HUWE1: variants seen among roughly 807,000 people sequenced by gnomAD.
HUWE1 encodes the protein E3 ubiquitin-protein ligase HUWE1.
HUWE1 carries 18 observed loss-of-function variants against 299.4 expected under a neutral mutation model. The ratio of observed to expected loss-of-function variants is 0.06; its 90% CI spans 0.04 to 0.09. HUWE1 has a LOEUF of 0.09. Ranked by LOEUF, HUWE1 falls within the 10% of genes least tolerant of loss-of-function variation. HUWE1 has a pLI of 1.00. For synonymous variants in HUWE1, 1,317 were observed against 1,286.1 expected (o/e 1.02, Z -0.51); for missense variants, 1,832 against 3,462.3 (o/e 0.53, Z 11.82).
At chrX:53,569,852 T>C (rs782396675) in intron 47 of HUWE1, 25 bp from the exon 48 acceptor site, 1 of 1,147,986 alleles carries the variant, frequency 8.7e-7, no homozygotes, top group Non-Finnish European at 1.2e-6. Flanking sequence ...ATCACGACAT[T>C]TACTTACAAG....
At chrX:53,652,595 TAC>T (rs2068541124) in intron 4 of HUWE1, among the ~76,000 whole-genome samples, 1 of 112,077 alleles carries the variant, frequency 8.9e-6, no homozygotes, top group Non-Finnish European at 1.9e-5. Context: ...GACATTCAAG[TAC>T]ACAGTTGTCA....
At chrX:53,685,746 G>A (rs782552570) in intron 2 of HUWE1, among the ~76,000 whole-genome samples, 1 of 111,864 alleles carries the variant, frequency 8.9e-6, no homozygotes, top group East Asian at 2.8e-4. Context: ...CTTTTGGGAA[G>A]GCAATTTGGA....
At chrX:53,598,784 A>C (rs1481221687) in intron 29 of HUWE1, among the ~76,000 whole-genome samples, 2 of 111,596 alleles carry the variant, frequency 1.8e-5, no homozygotes, top group African/African-American at 6.5e-5. Flanking sequence ...CTCAAGGGTT[A>C]AATCTATGTC....
At position 53,578,535 on chromosome X, in the gene HUWE1, G is replaced by C. The variant is rs782274455; in HGVS notation, c.5717-1468C>G. Among the ~76,000 whole-genome samples, 12 of 101,561 alleles carry C rather than the reference G, an allele frequency of 1.2e-4. No individual in the cohort carries two copies. The East Asian group carries it at 1.7e-3, about 14-fold the overall frequency. 88.2% of individuals were successfully genotyped at this position (101,561 alleles called of 115,157 possible). A position where few individuals can be genotyped will look rare whatever the true frequency, so the allele number is the denominator to read the frequency against. On this transcript the variant is annotated intron_variant, in intron 43 of 83. Coordinates refer to ENST00000262854, the MANE Select transcript of HUWE1 (RefSeq NM_031407.7). ...CCGCCCAGTCCGGGAGGGAGGTGGG[G>C]GGTCAGCCCCCCGCCCGGCCAGCCG...
At chrX:53,591,699 T>C (rs2064171113) in intron 33 of HUWE1, among the ~76,000 whole-genome samples, 1 of 112,390 alleles carries the variant, frequency 8.9e-6, no homozygotes, top group Non-Finnish European at 1.9e-5. Flanking sequence ...ACGTAAAAAT[T>C]AGGCACAAGA....
At chrX:53,616,151 T>A (rs782569633) in intron 21 of HUWE1, among the ~76,000 whole-genome samples, 1 of 110,349 alleles carries the variant, frequency 9.1e-6, no homozygotes, top group East Asian at 2.8e-4. Context: ...GCTCAAGTGA[T>A]CTGCCCACCT....
intron 19 of HUWE1, among the ~76,000 whole-genome samples, chrX:53,619,590 G>GAAAAAAAAAAAAAAAAAA (rs35685121): frequency 1.2e-4 from 5 of 41,103 alleles, no homozygotes; most frequent in African/African-American, 2.4e-4. Flanking sequence ...AGAAATAGAA[G>GAAAAAAAAAAAAAAAAAA]AAAAAAAAAA....
intron 77 of HUWE1, 54 bp from the exon 78 acceptor site, chrX:53,537,750 G>A (rs2061128749): frequency 2.6e-6 from 3 of 1,134,895 alleles, no homozygotes; most frequent in Non-Finnish European, 3.6e-6. Flanking sequence ...GAACAAATTT[G>A]TTTGTGTGAT....
At chrX:53,664,227 T>A (rs1345196053) in intron 3 of HUWE1, among the ~76,000 whole-genome samples, 1 of 111,103 alleles carries the variant, frequency 9.0e-6, no homozygotes, top group Non-Finnish European at 1.9e-5. Context: ...ATTTTTATAT[T>A]TCTTGTACAG....
chrX:53,574,026 T>TGGCAAAATC, intron 46 of HUWE1, 62 bp from the exon 47 acceptor site: 2 of 1,001,731 alleles, frequency 2.0e-6, no homozygotes, highest in Admixed American at 4.4e-5. Flanking sequence ...AATCAAGTCT[T>TGGCAAAATC]AGGTGGAAAA....
chrX:53,596,166 C>A (rs2064453265), intron 29 of HUWE1, among the ~76,000 whole-genome samples: 2 of 111,577 alleles, frequency 1.8e-5, no homozygotes, highest in Admixed American at 1.9e-4. Flanking sequence ...GATCCAGAGA[C>A]AAGAAGGGCT....
intron 21 of HUWE1, 96 bp downstream of exon 21, chrX:53,616,874 C>A (rs782101378): frequency 4.2e-6 from 3 of 718,186 alleles, no homozygotes; most frequent in African/African-American, 4.3e-5. Context: ...AAACTTAGCA[C>A]ACCTAACCAG....
chrX:53,578,462 C>T (rs1330639300), intron 43 of HUWE1, among the ~76,000 whole-genome samples: 13 of 93,550 alleles, frequency 1.4e-4, no homozygotes, highest in African/African-American at 4.9e-4. Context: ...CCCGGCCAGT[C>T]GCCCCGTCCA....
intron 52 of HUWE1, 86 bp from the exon 53 acceptor site, chrX:53,563,015 T>C: frequency 1.3e-6 from 1 of 774,053 alleles, no homozygotes; most frequent in East Asian, 3.2e-5. Context: ...TATGTACACC[T>C]AGCAGATATC....
At chrX:53,628,707 G>T (rs782719106) in intron 14 of HUWE1, 45 bp downstream of exon 14, 30 of 1,205,871 alleles carry the variant, frequency 2.5e-5, no homozygotes, top group Non-Finnish European at 3.3e-5. Context: ...AAAGGCAGAG[G>T]GCAAATGTTT....
intron 16 of HUWE1, 24 bp downstream of exon 16, chrX:53,627,715 A>C (rs185524384): frequency 8.5e-7 from 1 of 1,174,458 alleles, no homozygotes; most frequent in East Asian, 3.0e-5. Flanking sequence ...AATTCTGTGC[A>C]AAGCATTCCT....
intron 56 of HUWE1, 149 bp downstream of exon 56, chrX:53,560,039 T>C: frequency 1.8e-6 from 1 of 547,445 alleles, no homozygotes; most frequent in Non-Finnish European, 3.0e-6. Flanking sequence ...ACACATGTAA[T>C]CCACAAAGAA....
chrX:53,590,578 C>A (rs2064103616), intron 34 of HUWE1, 79 bp from the exon 35 acceptor site: 7 of 709,210 alleles, frequency 9.9e-6, no homozygotes, highest in African/African-American at 2.1e-5. Flanking sequence ...AACTCACAGG[C>A]AATCAGACAT....
At chrX:53,678,927 G>A (rs1345272800) in intron 3 of HUWE1, among the ~76,000 whole-genome samples, 2 of 111,830 alleles carry the variant, frequency 1.8e-5, no homozygotes, top group Non-Finnish European at 3.8e-5. Flanking sequence ...ACTGAAGTCA[G>A]GTATCAAATC....
Sources: allele counts gnomAD v4.1 joint callset (sites outside exome capture counted in the v4.1 genomes callset), GRCh38; gene constraint gnomAD v4.1.1; transcripts MANE v1.5; gene names NCBI Gene and HGNC (gene_info 2026-07-23, HGNC 2026-07-21).